NFKB1: variants seen among roughly 807,000 people sequenced by gnomAD.
NFKB1 encodes nuclear factor kappa B subunit 1.
Under a neutral mutation model 105.1 loss-of-function variants are expected in NFKB1, and 9 were observed. That is an observed-to-expected ratio of 0.09 (90% CI 0.05 to 0.15). NFKB1 has a LOEUF of 0.15. Among genes scored for constraint, NFKB1 ranks in the 10% least tolerant of loss-of-function variants. The pLI is 1.00. For synonymous variants in NFKB1, 440 were observed against 442.2 expected (o/e 1.00, Z 0.06); for missense variants, 830 against 1,203.7 (o/e 0.69, Z 4.59).
rs370699339 is a variant in NFKB1, at chr4:102,610,542, G to C, written c.2228-33G>C. On this transcript the variant is annotated intron_variant, in intron 19 of 23. Coordinates refer to ENST00000226574, the MANE Select transcript of NFKB1 (RefSeq NM_003998.4). ...GCAGTTGGAAGTTGACAAGATCTGG[G>C]TTTACCTAATGCTGTGTAATCTAAC... is the stretch of plus-strand genomic sequence containing the variant. The C allele has an allele frequency of 1.6e-5, 25 of 1,608,158 alleles. No homozygotes were observed. In the African/African-American group the frequency reaches 1.7e-4, roughly 11 times the overall value.
intron 1 of NFKB1, among the ~76,000 whole-genome samples, chr4:102,515,740 A>C (rs1036377878): frequency 6.6e-6 from 1 of 152,182 alleles, no homozygotes; most frequent in Non-Finnish European, 1.5e-5. Flanking sequence ...TAAACTCCAA[A>C]ATATATTGTC....
rs1013884881 is a variant in NFKB1, at chr4:102,521,288, C to A, written c.-7-4224C>A. On this transcript the variant is annotated intron_variant, in intron 1 of 23. Transcript: ENST00000226574. ...AGTATTTTGTTTCCTCCAGAAAATTCCTCTGTGGAAGAGGCTTCCTCACAT... is the reference window on the plus strand; with the variant it reads ...AGTATTTTGTTTCCTCCAGAAAATTACTCTGTGGAAGAGGCTTCCTCACAT... Among the ~76,000 whole-genome samples, 5 of 152,142 alleles carry A rather than the reference C, an allele frequency of 3.3e-5. No individual in the cohort carries two copies. In the South Asian group the frequency reaches 1.0e-3, roughly 31 times the overall value.
chr4:102,580,791 C>A, intron 9 of NFKB1, 152 bp downstream of exon 9: 1 of 571,752 alleles, frequency 1.7e-6, no homozygotes, highest in South Asian at 3.0e-5. Context: ...TTTACCTCTT[C>A]CAAATGTAAA....
intron 21 of NFKB1, 76 bp downstream of exon 21, chr4:102,612,186 A>G (rs1157883760): frequency 1.1e-5 from 15 of 1,340,150 alleles, no homozygotes; most frequent in Non-Finnish European, 1.4e-5. Flanking sequence ...AACCAGCATT[A>G]TCCAGGGTCT....
chr4:102,591,349 G>C (rs531796300), intron 11 of NFKB1, among the ~76,000 whole-genome samples: 1 of 151,196 alleles, frequency 6.6e-6, no homozygotes, highest in Non-Finnish European at 1.5e-5. Flanking sequence ...GAACACAGAA[G>C]GTCGAGGCTG....
rs1397533730 is a variant in NFKB1, at chr4:102,593,292, C to G, written c.1067-133C>G. Reference sequence around the variant, plus strand: ...TATAACGCTTCTTGAAATTTACCATCTCTTCCTCTTTGAGTGCTTTCTATT... The same window carrying G: ...TATAACGCTTCTTGAAATTTACCATGTCTTCCTCTTTGAGTGCTTTCTATT... On this transcript the variant is annotated intron_variant, in intron 11 of 23. Coordinates refer to ENST00000226574, the MANE Select transcript of NFKB1 (RefSeq NM_003998.4). 4.7e-6 allele frequency: 4 copies of G among 851,508 alleles called. No homozygotes were observed. In the East Asian group the frequency reaches 1.0e-4, roughly 21 times the overall value. 52.7% of individuals were successfully genotyped at this position (851,508 alleles called of 1,614,324 possible).
At chr4:102,533,984 A>T (rs1399445197) in intron 4 of NFKB1, 99 bp downstream of exon 4, 17 of 1,024,642 alleles carry the variant, frequency 1.7e-5, no homozygotes, top group Admixed American at 2.6e-5. Context: ...TGAAGGAAGT[A>T]GTTTATCTGA....
At chr4:102,541,242 A>G (rs1216237815) in intron 5 of NFKB1, among the ~76,000 whole-genome samples, 2 of 152,192 alleles carry the variant, frequency 1.3e-5, no homozygotes, top group Non-Finnish European at 2.9e-5. Flanking sequence ...AGAACCACTG[A>G]TGTGGATGCA....
At chr4:102,571,407 C>G (rs1418357484) in intron 6 of NFKB1, among the ~76,000 whole-genome samples, 6 of 152,200 alleles carry the variant, frequency 3.9e-5, no homozygotes, top group Non-Finnish European at 4.4e-5. Context: ...CAATACCATT[C>G]AGCACATGGG....
At chr4:102,607,500 T>C in intron 18 of NFKB1, 149 bp from the exon 19 acceptor site, 1 of 1,097,212 alleles carries the variant, frequency 9.1e-7, no homozygotes, top group Non-Finnish European at 1.4e-6. Context: ...GCTTGGCATC[T>C]CTAACTGGGG....
chr4:102,524,713 G>A (rs548143081), intron 1 of NFKB1, among the ~76,000 whole-genome samples: 2 of 152,256 alleles, frequency 1.3e-5, no homozygotes, highest in African/African-American at 4.8e-5. Context: ...GGGAGACAGT[G>A]ACCCATCTGG....
At chr4:102,544,971 G>A (rs67143295) in intron 5 of NFKB1, among the ~76,000 whole-genome samples, 2,708 of 152,144 alleles carry the variant, frequency 0.018, 40 homozygotes, top group African/African-American at 0.045. Context: ...TGTTCAATCC[G>A]AAACAAATCT....
chr4:102,578,460 T>C, intron 7 of NFKB1: 1 of 192,190 alleles, frequency 5.2e-6, no homozygotes, highest in Non-Finnish European at 1.1e-5. Flanking sequence ...TGCTTGGCAC[T>C]GTGGAATGAG....
chr4:102,548,553 G>A (rs1722315802), intron 5 of NFKB1, among the ~76,000 whole-genome samples: 1 of 152,114 alleles, frequency 6.6e-6, no homozygotes, highest in Non-Finnish European at 1.5e-5. Flanking sequence ...AGCATTCACT[G>A]CCAGCTGCCA....
In NFKB1 at chr4:102,523,841, T is replaced by C. The variant is rs114966227; in HGVS notation, c.-7-1671T>C. On this transcript the variant is annotated intron_variant, in intron 1 of 23. Coordinates refer to ENST00000226574, the MANE Select transcript of NFKB1 (RefSeq NM_003998.4). ...GAAGTGGTATGCAAGAGTTCTGACA[T>C]TGCACTGGTGAGCATTTGGTCAGAT... Among the ~76,000 whole-genome samples, 592 of 152,272 alleles carry C rather than the reference T, an allele frequency of 3.9e-3. 4 individuals carry two copies. Among genetic ancestry groups the C allele is most frequent in the African/African-American group, 0.014 (566 of 41,558 alleles).
At chr4:102,603,688 C>G (rs1027119413) in intron 16 of NFKB1, among the ~76,000 whole-genome samples, 5 of 152,178 alleles carry the variant, frequency 3.3e-5, no homozygotes, top group African/African-American at 1.2e-4. Flanking sequence ...TAAAGGTTCT[C>G]TAGTAACTAT....
intron 1 of NFKB1, among the ~76,000 whole-genome samples, chr4:102,520,668 C>A (rs979868852): frequency 2.6e-5 from 4 of 151,986 alleles, no homozygotes; most frequent in Middle Eastern, 3.4e-3. Flanking sequence ...TAAAAACTTT[C>A]AGAAATCAGC....
At chr4:102,615,107 T>G (rs1728822423) in intron 23 of NFKB1, among the ~76,000 whole-genome samples, 1 of 152,138 alleles carries the variant, frequency 6.6e-6, no homozygotes, top group Non-Finnish European at 1.5e-5. Context: ...CAACAGACGG[T>G]ATGATTCTTC....
At chr4:102,589,140 T>C (rs1725964726) in intron 11 of NFKB1, among the ~76,000 whole-genome samples, 1 of 152,206 alleles carries the variant, frequency 6.6e-6, no homozygotes, top group South Asian at 2.1e-4. Flanking sequence ...CCCTTAAAAT[T>C]CCCATTTTAC....
Sources: allele counts gnomAD v4.1 joint callset (sites outside exome capture counted in the v4.1 genomes callset), GRCh38; gene constraint gnomAD v4.1.1; transcripts MANE v1.5; gene names NCBI Gene and HGNC (gene_info 2026-07-23, HGNC 2026-07-21).